Variants in CUX1 observed in about 807,000 individuals in gnomAD.
CUX1 encodes the protein cut like homeobox 1, also known as protein CASP.
In CUX1, 31 loss-of-function variants were observed where a neutral mutation model predicts 158.8. The ratio of observed to expected loss-of-function variants is 0.20; its 90% CI spans 0.15 to 0.26. CUX1 has a LOEUF of 0.26. CUX1 is among the 10% of genes least tolerant of loss of function. CUX1 has a pLI of 1.00. For synonymous variants in CUX1, 879 were observed against 862.1 expected (o/e 1.02, Z -0.34); for missense variants, 1,589 against 2,014.6 (o/e 0.79, Z 4.04).
intron 22 of CUX1, chr7:102,282,955 C>T: frequency 8.4e-7 from 1 of 1,195,154 alleles, no homozygotes; most frequent in Non-Finnish European, 1.2e-6. Context: ...CACCCCATCA[C>T]ATGGTACACA....
At chr7:102,079,686 A>T (rs1265693159) in intron 4 of CUX1, among the ~76,000 whole-genome samples, 1 of 152,124 alleles carries the variant, frequency 6.6e-6, no homozygotes, top group African/African-American at 2.4e-5. Context: ...GACATGCGGG[A>T]TCCCTTTACA....
chr7:102,182,462 C>T lies in CUX1; in HGVS notation c.1017+3805C>T, dbSNP rs1554514251. The stretch of plus-strand genomic sequence containing the variant: ...TTCCCTCAAATTTGATTTGTTATTT[C>T]ACAAGGATACCAGACAGCTGCACAT... On this transcript the variant is annotated intron_variant, in intron 11 of 23. Coordinates refer to ENST00000292535, the MANE Select transcript of CUX1 (RefSeq NM_181552.4). Among the ~76,000 whole-genome samples, 7 of 152,192 alleles carry T rather than the reference C, an allele frequency of 4.6e-5. No homozygotes were observed. The South Asian group carries it at 1.4e-3, about 32-fold the overall frequency.
intron 2 of CUX1, among the ~76,000 whole-genome samples, chr7:101,984,077 C>CCAAAAA (rs1185648555): frequency 6.0e-5 from 1 of 16,768 alleles, no homozygotes; most frequent in Non-Finnish European, 1.0e-4. Context: ...TGTCCCCCCC[C>CCAAAAA]AAAAAAAAAA....
chr7:102,096,147 G>A (rs1284276026), intron 4 of CUX1, among the ~76,000 whole-genome samples: 10 of 152,250 alleles, frequency 6.6e-5, no homozygotes, highest in African/African-American at 1.2e-4. Context: ...TGCAGCGCGC[G>A]CTGCTCTGCA....
intron 1 of CUX1, among the ~76,000 whole-genome samples, chr7:101,853,684 G>A (rs1168183880): frequency 1.3e-5 from 2 of 151,910 alleles, no homozygotes; most frequent in East Asian, 1.9e-4. Flanking sequence ...GTCTAGTTGC[G>A]GGGAGCCCCC....
downstream of CUX1, among the ~76,000 whole-genome samples, chr7:102,262,406 G>GGATGGATGGATGGATGGATGGAT (rs1554544103): frequency 4.4e-3 from 666 of 151,456 alleles, 5 homozygotes; most frequent in African/African-American, 5.7e-3. Context: ...ATGGATGGAT[G>GGATGGATGGATGGATGGATGGAT]GATGGATGGA....
At chr7:101,912,113 C>G (rs1803556925) in intron 1 of CUX1, among the ~76,000 whole-genome samples, 1 of 152,032 alleles carries the variant, frequency 6.6e-6, no homozygotes, top group Admixed American at 6.6e-5. Flanking sequence ...CTAGATAGTT[C>G]TGAGCGGATA....
chr7:102,254,246 T>C lies in CUX1; in HGVS notation c.*5204T>C, dbSNP rs1789640326. 1 of 985,476 alleles carries C rather than the reference T, an allele frequency of 1.0e-6. No homozygotes were observed. The highest frequency in any genetic ancestry group is 1.7e-5 in the African/African-American group (1 of 57,358). The allele number at this position is 985,476 out of a possible 1,614,324, so 61.0% of individuals were successfully genotyped here. On this transcript the variant is annotated 3_prime_UTR_variant, in exon 24 of 24. Coordinates refer to ENST00000292535, the MANE Select transcript of CUX1 (RefSeq NM_181552.4). ...GTCCGCCTTCCTTTCTGTCCAGTCC[T>C]GCTCAGCTGTTAAGATCCATCATGG...
At chr7:102,135,588 TATGTAC>T (rs1317208224) in intron 8 of CUX1, among the ~76,000 whole-genome samples, 1 of 151,578 alleles carries the variant, frequency 6.6e-6, no homozygotes, top group East Asian at 1.9e-4. Context: ...TGTGTGTGTG[TATGTAC>T]ACACACACAA....
intron 2 of CUX1, among the ~76,000 whole-genome samples, chr7:101,964,077 C>T (rs1253914354): frequency 6.6e-6 from 1 of 152,160 alleles, no homozygotes; most frequent in Non-Finnish European, 1.5e-5. Context: ...CGGTACCGGG[C>T]ACAGTGGCTT....
chr7:101,917,413 T>A (rs1383569326), intron 2 of CUX1, among the ~76,000 whole-genome samples: 1 of 152,172 alleles, frequency 6.6e-6, no homozygotes, highest in Non-Finnish European at 1.5e-5. Flanking sequence ...CAGAGCCAGC[T>A]AAGGGTTCAA....
chr7:101,883,761 A>T (rs548768599), intron 1 of CUX1, among the ~76,000 whole-genome samples: 101 of 151,782 alleles, frequency 6.7e-4, no homozygotes, highest in African/African-American at 2.4e-3. Context: ...ATACCTGGCT[A>T]ATTTTTGTAT....
intron 3 of CUX1, among the ~76,000 whole-genome samples, chr7:102,039,335 G>C (rs1010903829): frequency 6.6e-6 from 1 of 152,154 alleles, no homozygotes; most frequent in African/African-American, 2.4e-5. Flanking sequence ...CTCTGATACT[G>C]CTTGAGCGGG....
intron 2 of CUX1, among the ~76,000 whole-genome samples, chr7:101,964,789 C>T (rs541492295): frequency 1.9e-4 from 29 of 152,340 alleles, no homozygotes; most frequent in African/African-American, 5.3e-4. Flanking sequence ...CCCTGCCTGG[C>T]GCTGGCCTTA....
intron 20 of CUX1, among the ~76,000 whole-genome samples, chr7:102,225,292 G>A (rs1554528300): frequency 6.6e-6 from 1 of 152,202 alleles, no homozygotes; most frequent in African/African-American, 2.4e-5. Context: ...CGATAAACGG[G>A]TTGATCGCTT....
intron 4 of CUX1, among the ~76,000 whole-genome samples, chr7:102,094,543 T>C (rs1172708628): frequency 6.6e-6 from 1 of 152,230 alleles, no homozygotes; most frequent in East Asian, 1.9e-4. Flanking sequence ...GAAGCTATTT[T>C]TTAATTCGAA....
chr7:102,122,633 A>G (rs1563273462), intron 8 of CUX1, among the ~76,000 whole-genome samples: 1 of 152,208 alleles, frequency 6.6e-6, no homozygotes, highest in Non-Finnish European at 1.5e-5. Context: ...GGGTGGCTTC[A>G]TAGTTCCAAG....
chr7:101,970,789 C>T (rs1390162906), intron 2 of CUX1, among the ~76,000 whole-genome samples: 1 of 152,160 alleles, frequency 6.6e-6, no homozygotes, highest in Non-Finnish European at 1.5e-5. Context: ...CTCCTGACCT[C>T]AGCTGACCCA....
At chr7:102,275,176 C>T (rs543412590) in intron 16 of CUX1, 1 of 1,140,342 alleles carries the variant, frequency 8.8e-7, no homozygotes, top group Non-Finnish European at 1.3e-6. Context: ...GGCTGGGGGA[C>T]CCACCCCAAA....
Sources: allele counts gnomAD v4.1 joint callset (sites outside exome capture counted in the v4.1 genomes callset), GRCh38; gene constraint gnomAD v4.1.1; transcripts MANE v1.5; gene names NCBI Gene and HGNC (gene_info 2026-07-23, HGNC 2026-07-21).